The following UBE2E2 variants were observed in gnomAD, a reference collection of about 807,000 sequenced individuals.
The protein encoded by UBE2E2 is ubiquitin conjugating enzyme E2 E2.
UBE2E2 carries 6 observed loss-of-function variants against 24.7 expected under a neutral mutation model. The ratio of observed to expected loss-of-function variants is 0.24; its 90% confidence interval spans 0.13 to 0.48. UBE2E2 has a LOEUF of 0.48. UBE2E2 is among the 20% of genes least tolerant of loss of function. UBE2E2 has a pLI of 0.99. For synonymous variants in UBE2E2, 104 were observed against 83.6 expected, an observed-to-expected ratio of 1.24 and a Z score of -1.33; for missense variants, 169 against 245.0, an observed-to-expected ratio of 0.69 and a Z score of 2.07.
At chr3:23,242,089 A>AT (rs982082350) in intron 3 of UBE2E2, among the ~76,000 whole-genome samples, 10 of 151,968 alleles carry the variant, frequency 6.6e-5, no homozygotes, top group Admixed American at 5.9e-4. Flanking sequence ...TTTTATTTTT[A>AT]TTTTTTTGTA....
intron 3 of UBE2E2, among the ~76,000 whole-genome samples, chr3:23,229,865 G>A (rs1384599262): frequency 6.6e-6 from 1 of 152,174 alleles, no homozygotes; most frequent in Non-Finnish European, 1.5e-5. Flanking sequence ...ATACCAATAT[G>A]TGACTTGAGG....
intron 3 of UBE2E2, among the ~76,000 whole-genome samples, chr3:23,264,210 C>T (rs1287298936): frequency 6.6e-6 from 1 of 152,170 alleles, no homozygotes; most frequent in Non-Finnish European, 1.5e-5. Flanking sequence ...CTAATCTCTA[C>T]AGAGGGAAAT....
intron 3 of UBE2E2, among the ~76,000 whole-genome samples, chr3:23,269,989 C>T (rs1309801242): frequency 2.6e-5 from 4 of 151,968 alleles, no homozygotes; most frequent in African/African-American, 7.3e-5. Context: ...GTTTAGAGTC[C>T]CTTCTGTATA....
chr3:23,561,276 A>C (rs1475456562), intron 5 of UBE2E2, among the ~76,000 whole-genome samples: 1 of 152,206 alleles, frequency 6.6e-6, no homozygotes, highest in Admixed American at 6.5e-5. Flanking sequence ...ATCCAGTTTC[A>C]GCTTTCTCCA....
intron 3 of UBE2E2, among the ~76,000 whole-genome samples, chr3:23,281,626 A>G (rs1452583979): frequency 2.0e-5 from 3 of 152,192 alleles, no homozygotes; most frequent in Non-Finnish European, 2.9e-5. Context: ...TGACATAGCA[A>G]GATCCTGTCT....
In UBE2E2 at chr3:23,358,009, T is replaced by A. The variant is rs566279719; in HGVS notation, c.227+140697T>A. Among the ~76,000 whole-genome samples, 3 of 152,246 alleles carry A rather than the reference T, an allele frequency of 2.0e-5. No individual in the cohort carries two copies. The South Asian group carries it at 6.2e-4, about 32-fold the overall frequency. ...CACCACCATGCCTGGCTAATTTTTT[T>A]ATTTTTTATAGAGATGGAATTTCAC... On this transcript the variant is annotated intron_variant, in intron 3 of 5. Transcript: ENST00000396703.
intron 3 of UBE2E2, among the ~76,000 whole-genome samples, chr3:23,261,618 C>T (rs1188793662): frequency 6.6e-6 from 1 of 152,092 alleles, no homozygotes; most frequent in East Asian, 1.9e-4. Context: ...ACTGACATCC[C>T]CCCATTTCCC....
At chr3:23,216,422 C>T (rs551041114) in intron 2 of UBE2E2, among the ~76,000 whole-genome samples, 2 of 152,136 alleles carry the variant, frequency 1.3e-5, no homozygotes, top group Non-Finnish European at 2.9e-5. Flanking sequence ...CAGTAATTAC[C>T]AGACAACAGG....
chr3:23,340,778 C>T (rs992760406), intron 3 of UBE2E2, among the ~76,000 whole-genome samples: 1 of 152,106 alleles, frequency 6.6e-6, no homozygotes, highest in African/African-American at 2.4e-5. Context: ...CTCTGAAATA[C>T]TGAAAGTCAG....
intron 4 of UBE2E2, among the ~76,000 whole-genome samples, chr3:23,514,247 T>C (rs1699273543): frequency 6.6e-6 from 1 of 152,204 alleles, no homozygotes; most frequent in South Asian, 2.1e-4. Flanking sequence ...CCACCTTCTA[T>C]AAACAGTGCC....
intron 3 of UBE2E2, among the ~76,000 whole-genome samples, chr3:23,381,467 T>C (rs374617006): frequency 6.6e-6 from 1 of 152,266 alleles, no homozygotes; most frequent in African/African-American, 2.4e-5. Context: ...TTTTCAAGTA[T>C]GTATAGGATT....
At chr3:23,270,948 A>T in intron 3 of UBE2E2, 1 of 456,784 alleles carries the variant, frequency 2.2e-6, no homozygotes, top group Non-Finnish European at 4.4e-6. Context: ...ATTTGTTAAC[A>T]GGCTGTTCCT....
At chr3:23,249,621 A>G (rs1697515484) in intron 3 of UBE2E2, among the ~76,000 whole-genome samples, 1 of 151,932 alleles carries the variant, frequency 6.6e-6, no homozygotes, top group Non-Finnish European at 1.5e-5. Flanking sequence ...TTTTAATTTG[A>G]TGGCTAAAAT....
intron 5 of UBE2E2, among the ~76,000 whole-genome samples, chr3:23,560,603 A>C (rs1357018515): frequency 6.6e-6 from 1 of 151,908 alleles, no homozygotes; most frequent in Admixed American, 6.6e-5. Flanking sequence ...TGCTGGGTCA[A>C]ATGGTATTTC....
At chr3:23,288,923 T>A (rs1423192371) in intron 3 of UBE2E2, among the ~76,000 whole-genome samples, 3 of 152,238 alleles carry the variant, frequency 2.0e-5, no homozygotes, top group African/African-American at 7.2e-5. Context: ...ACCACGTGGC[T>A]GCTGCTGGGG....
At chr3:23,258,370 G>A (rs1697795485) in intron 3 of UBE2E2, among the ~76,000 whole-genome samples, 1 of 152,174 alleles carries the variant, frequency 6.6e-6, no homozygotes, top group Admixed American at 6.5e-5. Context: ...TGTTAATAGT[G>A]ATAGTAAAGA....
intron 3 of UBE2E2, among the ~76,000 whole-genome samples, chr3:23,318,106 A>C (rs1410348770): frequency 2.0e-5 from 3 of 151,924 alleles, no homozygotes; most frequent in African/African-American, 7.3e-5. Context: ...AAGCTTCTCT[A>C]GTGTGTTTAA....
chr3:23,397,827 GT>G (rs1479534818), intron 3 of UBE2E2, among the ~76,000 whole-genome samples: 2 of 152,068 alleles, frequency 1.3e-5, no homozygotes, highest in Non-Finnish European at 2.9e-5. Flanking sequence ...GGAGATGCCT[GT>G]TTCTTTTTTC....
At chr3:23,239,678 G>T (rs2125337206) in intron 3 of UBE2E2, among the ~76,000 whole-genome samples, 1 of 152,320 alleles carries the variant, frequency 6.6e-6, no homozygotes, top group Admixed American at 6.5e-5. Flanking sequence ...GGGGAGAGAT[G>T]AGATCAGATG....
Sources: gnomAD v4.1 joint callset for allele counts (sites outside exome capture counted in the v4.1 genomes callset) on GRCh38, gnomAD v4.1.1 for gene constraint, MANE v1.5 for transcripts, NCBI Gene and HGNC (gene_info 2026-07-23, HGNC 2026-07-21) for gene names.